NHSL3: variants seen among roughly 807,000 people sequenced by gnomAD.
The protein encoded by NHSL3 is NHS-like protein 3.
At chr1:32,764,159 C>T in the NHSL3 span, among the ~76,000 whole-genome samples, 2 of 152,092 alleles carry the variant, frequency 1.3e-5, no homozygotes, top group African/African-American at 4.8e-5. Context: ...CCATGCCCAG[C>T]CTATTCTTTT....
At chr1:32,754,089 A>G in the NHSL3 span, 277 of 669,730 alleles carry the variant, frequency 4.1e-4, no homozygotes, top group Non-Finnish European at 6.6e-4. Flanking sequence ...CCGCACCCGC[A>G]ATGGGGAACT....
chr1:32,742,112 C>T, the NHSL3 span: 1 of 1,249,424 alleles, frequency 8.0e-7, no homozygotes, highest in Non-Finnish European at 1.0e-6. Context: ...GCGGCGGGGG[C>T]CGAGGGCGCC....
chr1:32,744,348 A>T, the NHSL3 span, among the ~76,000 whole-genome samples: 1 of 152,210 alleles, frequency 6.6e-6, no homozygotes. Flanking sequence ...TACCCTGCAC[A>T]AACTTAGAAG....
At chr1:32,754,287 G>C in the NHSL3 span, 18 of 584,702 alleles carry the variant, frequency 3.1e-5, no homozygotes, top group Non-Finnish European at 5.4e-5. Flanking sequence ...AGTGTGGGGG[G>C]GTCGGGAATC....
At chr1:32,768,739 G>T in the NHSL3 span, 1 of 1,613,990 alleles carries the variant, frequency 6.2e-7, no homozygotes, top group Admixed American at 1.7e-5. Flanking sequence ...AGCAGAGGAC[G>T]CGCTCTCCAT....
At chr1:32,748,807 G>A in the NHSL3 span, among the ~76,000 whole-genome samples, 1 of 152,114 alleles carries the variant, frequency 6.6e-6, no homozygotes, top group Non-Finnish European at 1.5e-5. Flanking sequence ...GGAGTTTGGG[G>A]TTTCTCAATA....
the NHSL3 span, chr1:32,771,585 T>G: frequency 1.1e-5 from 18 of 1,612,400 alleles, no homozygotes; most frequent in Non-Finnish European, 1.5e-5. Flanking sequence ...GCCCTGAGCC[T>G]GCAGGCCCTT....
chr1:32,765,739 A>G, the NHSL3 span: 1 of 1,546,408 alleles, frequency 6.5e-7, no homozygotes, highest in Non-Finnish European at 8.7e-7. Flanking sequence ...GCAGGGTGGG[A>G]TAGGGAACGT....
the NHSL3 span, among the ~76,000 whole-genome samples, chr1:32,762,839 T>A: frequency 6.6e-6 from 1 of 152,056 alleles, no homozygotes; most frequent in Non-Finnish European, 1.5e-5. Flanking sequence ...CCACCCACCT[T>A]GGCCTCCCAA....
the NHSL3 span, among the ~76,000 whole-genome samples, chr1:32,748,753 C>T: frequency 6.9e-4 from 105 of 152,220 alleles, no homozygotes; most frequent in African/African-American, 2.2e-3. Flanking sequence ...GGGCGGAGTT[C>T]CCTCTGCTAT....
chr1:32,769,872 C>T, the NHSL3 span: 12 of 1,610,764 alleles, frequency 7.4e-6, no homozygotes, highest in Non-Finnish European at 1.0e-5. Context: ...CCTCCCTGTC[C>T]CTTCCAGGCC....
At chr1:32,751,689 G>A in the NHSL3 span, among the ~76,000 whole-genome samples, 1 of 152,204 alleles carries the variant, frequency 6.6e-6, no homozygotes, top group Non-Finnish European at 1.5e-5. Flanking sequence ...AGCATGTAGA[G>A]CAGGGCATTG....
chr1:32,754,406 C>T, the NHSL3 span, among the ~76,000 whole-genome samples: 1 of 152,086 alleles, frequency 6.6e-6, no homozygotes, highest in African/African-American at 2.4e-5. Context: ...ACGCACAACA[C>T]CCACTCAAAT....
the NHSL3 span, chr1:32,774,226 T>C: frequency 1.3e-5 from 2 of 152,548 alleles, no homozygotes; most frequent in African/African-American, 2.4e-5. Context: ...GGCTTGAGTC[T>C]GGCAAGGAAC....
the NHSL3 span, chr1:32,765,629 CCT>C: frequency 6.6e-7 from 1 of 1,525,596 alleles, no homozygotes. Context: ...CCCTCCCCCT[CCT>C]CTGTCTGGAG....
At chr1:32,745,994 G>A in the NHSL3 span, among the ~76,000 whole-genome samples, 2 of 152,096 alleles carry the variant, frequency 1.3e-5, no homozygotes. Flanking sequence ...ACTTTGGGAG[G>A]CTGAGGCGGG....
the NHSL3 span, chr1:32,768,860 C>T: frequency 1.3e-4 from 192 of 1,490,634 alleles, no homozygotes; most frequent in Non-Finnish European, 1.7e-4. Context: ...TCCAGTGTTT[C>T]ACCAGGCTCT....
At chr1:32,769,561 A>T in the NHSL3 span, 2 of 850,782 alleles carry the variant, frequency 2.4e-6, no homozygotes, top group Non-Finnish European at 3.9e-6. Context: ...GCCCATACCT[A>T]CTTGACTGTG....
chr1:32,763,827 G>A, the NHSL3 span, among the ~76,000 whole-genome samples: 2 of 152,110 alleles, frequency 1.3e-5, no homozygotes, highest in African/African-American at 4.8e-5. Flanking sequence ...GCCTGCCTTG[G>A]CCTCCCAAAG....
Sources: allele counts gnomAD v4.1 joint callset (sites outside exome capture counted in the v4.1 genomes callset), GRCh38; gene constraint gnomAD v4.1.1; transcripts MANE v1.5; gene names NCBI Gene and HGNC (gene_info 2026-07-23, HGNC 2026-07-21).